DMD: variants seen among roughly 807,000 people sequenced by gnomAD.
The protein encoded by DMD is dystrophin, also known as mutant dystrophin.
A neutral mutation model predicts 330.1 loss-of-function variants in DMD; 63 were observed. That is an observed-to-expected ratio of 0.19 (90% confidence interval 0.16 to 0.24). The LOEUF (loss-of-function observed/expected upper bound fraction) is 0.24. Among genes scored for constraint, DMD ranks in the 10% least tolerant of loss-of-function variants. DMD has a pLI of 1.00. For synonymous variants in DMD, 1,223 were observed against 959.8 expected (o/e 1.27, Z -5.07); for missense variants, 3,344 against 2,684.1 (o/e 1.25, Z -5.43).
At chrX:32,847,635 C>A (rs773796591) in intron 3 of DMD, among the ~76,000 whole-genome samples, 5 of 111,807 alleles carry the variant, frequency 4.5e-5, no homozygotes, top group Non-Finnish European at 9.4e-5. Context: ...GCTGACAGAT[C>A]TGTGATTAGG....
chrX:32,569,732 T>C (rs2052181252), intron 15 of DMD, among the ~76,000 whole-genome samples: 1 of 111,237 alleles, frequency 9.0e-6, no homozygotes, highest in African/African-American at 3.3e-5. Context: ...CCACAGCCAT[T>C]TGAGAATATC....
intron 2 of DMD, among the ~76,000 whole-genome samples, chrX:33,000,504 G>A (rs1227285469): frequency 8.9e-6 from 1 of 111,793 alleles, no homozygotes; most frequent in Non-Finnish European, 1.9e-5. Context: ...TGGGATGTTG[G>A]TGGAGGTGAC....
intron 77 of DMD, among the ~76,000 whole-genome samples, chrX:31,127,322 G>C (rs185012888): frequency 8.9e-6 from 1 of 112,228 alleles, no homozygotes; most frequent in East Asian, 2.8e-4. Context: ...CCCCAATTCA[G>C]CAAATATCAG....
chrX:31,590,572 G>A (rs1267074606), intron 55 of DMD, among the ~76,000 whole-genome samples: 1 of 109,047 alleles, frequency 9.2e-6, no homozygotes, highest in Non-Finnish European at 1.9e-5. Context: ...TTCTAGATAT[G>A]AATTTTAGTC....
intron 60 of DMD, among the ~76,000 whole-genome samples, chrX:31,372,705 C>T (rs896826602): frequency 1.8e-5 from 2 of 111,659 alleles, no homozygotes; most frequent in South Asian, 3.8e-4. Context: ...GACAAACCCA[C>T]AGCCAATATC....
At chrX:31,576,433 A>G (rs1293621379) in intron 55 of DMD, among the ~76,000 whole-genome samples, 1 of 109,447 alleles carries the variant, frequency 9.1e-6, no homozygotes, top group Non-Finnish European at 1.9e-5. Context: ...TTCAAAAATT[A>G]CTTTTTTTTT....
intron 41 of DMD, among the ~76,000 whole-genome samples, chrX:32,313,896 G>A (rs1032068970): frequency 9.0e-6 from 1 of 111,497 alleles, no homozygotes; most frequent in Non-Finnish European, 1.9e-5. Flanking sequence ...GGAAATAAGA[G>A]AGGACCCAAA....
intron 49 of DMD, among the ~76,000 whole-genome samples, chrX:31,830,096 T>C (rs1246724868): frequency 8.9e-6 from 1 of 112,429 alleles, no homozygotes; most frequent in South Asian, 3.6e-4. Context: ...AGAGATGTGA[T>C]GCTTACATAA....
At chrX:31,451,281 T>C (rs1447688102) in intron 59 of DMD, among the ~76,000 whole-genome samples, 1 of 2,115 alleles carries the variant, frequency 4.7e-4, no homozygotes, top group Non-Finnish European at 1.4e-3. Context: ...CTTTCTTTCC[T>C]TTTTTTTTTT....
chrX:32,971,750 C>A (rs765493708), intron 2 of DMD, among the ~76,000 whole-genome samples: 1 of 110,203 alleles, frequency 9.1e-6, no homozygotes, highest in Non-Finnish European at 1.9e-5. Flanking sequence ...AGATTCATGA[C>A]CTAGAGACAC....
At chrX:32,155,436 A>G (rs1717510528) in intron 44 of DMD, 1 of 752,736 alleles carries the variant, frequency 1.3e-6, no homozygotes, top group African/African-American at 2.3e-5. Context: ...GCAGCCAGCA[A>G]TGCCTCCGCA....
intron 17 of DMD, among the ~76,000 whole-genome samples, chrX:32,518,997 C>CTTTTTTTT (rs56678455): frequency 2.4e-5 from 1 of 42,078 alleles, no homozygotes; most frequent in Non-Finnish European, 3.9e-5. Flanking sequence ...ATTTTCAAAC[C>CTTTTTTTT]TTTTTTTTTT....
chrX:31,631,410 G>A lies in DMD; in HGVS notation c.8028-3548C>T, dbSNP rs190692799. On this transcript the variant is annotated intron_variant, in intron 54 of 78. Transcript: ENST00000357033. Reference sequence around the variant, plus strand: ...GCCCAAAGTTACCCACTATGTCCCCGAGACGGGCTGCACGTATTGGTTGAT... The same window carrying A: ...GCCCAAAGTTACCCACTATGTCCCCAAGACGGGCTGCACGTATTGGTTGAT... Among the ~76,000 whole-genome samples the A allele has an allele frequency of 2.4e-3, 268 of 111,172 alleles. 2 individuals are homozygous for A. The highest frequency in any genetic ancestry group is 6.0e-3 in the Admixed American group (62 of 10,418).
At chrX:31,131,789 CTTTT>C (rs765723395) in intron 77 of DMD, among the ~76,000 whole-genome samples, 1 of 111,734 alleles carries the variant, frequency 8.9e-6, no homozygotes, top group African/African-American at 3.3e-5. Flanking sequence ...CCAAAAACCA[CTTTT>C]TTGAGTGCAT....
intron 1 of DMD, among the ~76,000 whole-genome samples, chrX:33,255,115 C>T (rs1241970581): frequency 1.8e-5 from 2 of 110,826 alleles, no homozygotes; most frequent in Non-Finnish European, 3.8e-5. Flanking sequence ...CTTGGTGTAA[C>T]ACTCTTGATC....
chrX:32,371,448 T>C (rs142454627), intron 34 of DMD, among the ~76,000 whole-genome samples: 2,684 of 110,156 alleles, frequency 0.024, 53 homozygotes, highest in Admixed American at 0.069. Context: ...TTCCAGAAAA[T>C]CTTATTCTAC....
chrX:32,140,964 C>T (rs1286127347), intron 44 of DMD, among the ~76,000 whole-genome samples: 3 of 111,279 alleles, frequency 2.7e-5, no homozygotes, highest in Non-Finnish European at 5.7e-5. Context: ...AAATTTTGCT[C>T]AAACAAGGCA....
chrX:32,279,074 A>T (rs1411414869), intron 43 of DMD, among the ~76,000 whole-genome samples: 2 of 112,137 alleles, frequency 1.8e-5, no homozygotes, highest in Non-Finnish European at 3.8e-5. Context: ...GCTCAGCATC[A>T]CTAATCATCA....
At chrX:33,240,237 C>T (rs1344803865) in intron 1 of DMD, among the ~76,000 whole-genome samples, 2 of 111,526 alleles carry the variant, frequency 1.8e-5, no homozygotes, top group African/African-American at 6.5e-5. Context: ...TCTTAACTAC[C>T]TCACCTTCTG....
Sources: allele counts gnomAD v4.1 joint callset (sites outside exome capture counted in the v4.1 genomes callset), GRCh38; gene constraint gnomAD v4.1.1; transcripts MANE v1.5; gene names NCBI Gene and HGNC (gene_info 2026-07-23, HGNC 2026-07-21).